NELL2: variants seen among roughly 807,000 people sequenced by gnomAD.
NELL2 encodes neural EGFL like 2, also known as protein kinase C-binding protein NELL2.
A neutral mutation model predicts 109.6 loss-of-function variants in NELL2; 41 were observed. The observed-to-expected ratio is 0.37, with a 90% CI of 0.29 to 0.49. The LOEUF (loss-of-function observed/expected upper bound fraction) is 0.49, where lower values mean the gene tolerates loss of function less well. Ranked by LOEUF, NELL2 falls within the 20% of genes least tolerant of loss-of-function variation. NELL2 has a pLI of 0.98. For missense variants in NELL2, 900 were observed against 1,008.3 expected (o/e 0.89, Z 1.45); for synonymous variants, 355 against 344.7 (o/e 1.03, Z -0.33).
chr12:44,532,829 C>T, intron 15 of NELL2, 108 bp from the exon 16 acceptor site: 8 of 973,388 alleles, frequency 8.2e-6, no homozygotes, highest in Middle Eastern at 2.5e-4. Flanking sequence ...ATCCTTGAAA[C>T]TGGGAAAATA....
chr12:44,864,677 TA>T (rs1279980061), intron 2 of NELL2, among the ~76,000 whole-genome samples: 1 of 152,178 alleles, frequency 6.6e-6, no homozygotes. Context: ...GGAAAATCAA[TA>T]AGGAAACATT....
At position 44,595,026 on chromosome 12, in the gene NELL2, T is replaced by C. The variant is rs1318858927; in HGVS notation, c.1663+12143A>G. ...AGTAATGTTTAGAGGTATCTGTGTT[T>C]TAATTAATTTATTTTTGTTGTAAAT... On this transcript the variant is annotated intron_variant, in intron 15 of 19. Coordinates refer to ENST00000429094, the MANE Select transcript of NELL2 (RefSeq NM_001145108.2). Among the ~76,000 whole-genome samples the C allele has an allele frequency of 3.3e-5, 5 of 152,220 alleles. No individual in the cohort carries two copies. The South Asian group carries it at 8.3e-4, about 25-fold the overall frequency.
intron 9 of NELL2, among the ~76,000 whole-genome samples, chr12:44,720,856 C>A (rs564272671): frequency 6.6e-6 from 1 of 152,184 alleles, no homozygotes; most frequent in East Asian, 1.9e-4. Flanking sequence ...TTATATACAC[C>A]ATGTCCTTGG....
chr12:44,809,666 C>A (rs1316078114), intron 3 of NELL2, among the ~76,000 whole-genome samples: 4 of 152,058 alleles, frequency 2.6e-5, no homozygotes, highest in Non-Finnish European at 5.9e-5. Context: ...TCATGGCACA[C>A]CAGGGCACTG....
chr12:44,681,624 G>A (rs1314928997), intron 12 of NELL2, among the ~76,000 whole-genome samples: 3 of 151,778 alleles, frequency 2.0e-5, no homozygotes, highest in African/African-American at 7.3e-5. Context: ...GTGTCCATGT[G>A]TTCTCACTGT....
intron 13 of NELL2, among the ~76,000 whole-genome samples, chr12:44,650,441 G>A (rs934583095): frequency 5.9e-5 from 9 of 151,968 alleles, no homozygotes; most frequent in African/African-American, 1.4e-4. Context: ...GATTACAGGC[G>A]CCTGCCACCA....
At chr12:44,845,677 C>T (rs1222955164) in intron 2 of NELL2, among the ~76,000 whole-genome samples, 1 of 152,000 alleles carries the variant, frequency 6.6e-6, no homozygotes, top group African/African-American at 2.4e-5. Context: ...AGGAAATGAC[C>T]CAAAGCTAAC....
chr12:44,683,266 T>A (rs1948591704), intron 12 of NELL2, among the ~76,000 whole-genome samples: 1 of 152,050 alleles, frequency 6.6e-6, no homozygotes, highest in Non-Finnish European at 1.5e-5. Context: ...TGCACATTGA[T>A]TTTGTATCCT....
At chr12:44,730,112 C>G (rs1156555402) in intron 9 of NELL2, among the ~76,000 whole-genome samples, 2 of 151,742 alleles carry the variant, frequency 1.3e-5, no homozygotes, top group African/African-American at 4.8e-5. Flanking sequence ...ATAAATATAC[C>G]CAACATCAGA....
intron 15 of NELL2, among the ~76,000 whole-genome samples, chr12:44,564,171 A>G (rs1274875666): frequency 6.6e-6 from 1 of 152,218 alleles, no homozygotes; most frequent in East Asian, 1.9e-4. Flanking sequence ...TTTTACCTAT[A>G]GTTTTTAGTG....
upstream of NELL2, among the ~76,000 whole-genome samples, chr12:44,881,162 C>A (rs1945407676): frequency 6.6e-6 from 1 of 151,942 alleles, no homozygotes; most frequent in Non-Finnish European, 1.5e-5. Flanking sequence ...ACATTCACCA[C>A]AGTACTTAAC....
At chr12:44,638,643 A>T (rs1012429205) in intron 13 of NELL2, among the ~76,000 whole-genome samples, 1 of 152,152 alleles carries the variant, frequency 6.6e-6, no homozygotes, top group Admixed American at 6.6e-5. Flanking sequence ...GTTGTAGAGG[A>T]TTAACAACTC....
chr12:44,716,645 ATATTT>A (rs1273591507), intron 9 of NELL2, among the ~76,000 whole-genome samples: 1 of 152,128 alleles, frequency 6.6e-6, no homozygotes, highest in African/African-American at 2.4e-5. Flanking sequence ...AATAAGTACT[ATATTT>A]TATAAGATAA....
At chr12:44,785,559 C>A (rs1363261943) in intron 3 of NELL2, among the ~76,000 whole-genome samples, 1 of 152,066 alleles carries the variant, frequency 6.6e-6, no homozygotes, top group Non-Finnish European at 1.5e-5. Context: ...CAAAAAAGAG[C>A]CCATATGGAC....
intron 15 of NELL2, among the ~76,000 whole-genome samples, chr12:44,587,284 A>AAAAAAAAATAT: frequency 2.8e-4 from 20 of 72,214 alleles, no homozygotes; most frequent in African/African-American, 3.0e-4. Flanking sequence ...AAAAAAAAAA[A>AAAAAAAAATAT]ATATATATAT....
At chr12:44,860,071 C>T (rs1311327082) in intron 2 of NELL2, among the ~76,000 whole-genome samples, 1 of 152,058 alleles carries the variant, frequency 6.6e-6, no homozygotes, top group Non-Finnish European at 1.5e-5. Context: ...AAAAAAAATA[C>T]AATAAAAAAC....
chr12:44,546,447 T>G (rs550089585), intron 15 of NELL2, among the ~76,000 whole-genome samples: 1 of 152,228 alleles, frequency 6.6e-6, no homozygotes, highest in South Asian at 2.1e-4. Flanking sequence ...TTTTAGCCAG[T>G]AAGGAAACAT....
At chr12:44,876,334 C>T (rs1213495837), upstream of NELL2, 3 of 1,181,934 alleles carry the variant, frequency 2.5e-6, no homozygotes, top group Non-Finnish European at 3.2e-6. Flanking sequence ...CTCCGGGAGA[C>T]GCGCGGAGAG....
chr12:44,606,925 T>C (rs1029327685), intron 15 of NELL2, among the ~76,000 whole-genome samples: 2 of 151,982 alleles, frequency 1.3e-5, no homozygotes, highest in Non-Finnish European at 2.9e-5. Context: ...ATTCCACACA[T>C]GTTTCTGAAA....
Sources: allele counts gnomAD v4.1 joint callset (sites outside exome capture counted in the v4.1 genomes callset), GRCh38; gene constraint gnomAD v4.1.1; transcripts MANE v1.5; gene names NCBI Gene and HGNC (gene_info 2026-07-23, HGNC 2026-07-21).